Variants in DCDC1 observed in about 807,000 individuals in gnomAD.
DCDC1 encodes doublecortin domain containing 1, also known as doublecortin domain-containing protein 1.
In DCDC1, 200 loss-of-function variants were observed where a neutral mutation model predicts 178.3. The observed-to-expected ratio is 1.12, with a 90% CI of 1.00 to 1.26. The LOEUF (loss-of-function observed/expected upper bound fraction) is 1.26. Ranked by LOEUF, DCDC1 falls within the 50% of genes most tolerant of loss-of-function variation. The pLI is 0.00. For synonymous variants in DCDC1, 690 were observed against 604.8 expected (o/e 1.14, Z -2.07); for missense variants, 1,983 against 1,749.2 (o/e 1.13, Z -2.38).
At chr11:30,973,069 C>T (rs1949900706) in intron 20 of DCDC1, among the ~76,000 whole-genome samples, 2 of 151,746 alleles carry the variant, frequency 1.3e-5, no homozygotes, top group African/African-American at 2.4e-5. Flanking sequence ...GTCAGGAGTT[C>T]GAGACCAGCC....
At chr11:31,004,682 A>C (rs1951747502) in intron 20 of DCDC1, among the ~76,000 whole-genome samples, 1 of 80,304 alleles carries the variant, frequency 1.2e-5, no homozygotes, top group Admixed American at 1.3e-4. Flanking sequence ...ACTCTGTCTC[A>C]AAAAAAAAAA....
chr11:31,256,569 G>C (rs552928392), intron 8 of DCDC1, among the ~76,000 whole-genome samples: 1 of 152,120 alleles, frequency 6.6e-6, no homozygotes, highest in African/African-American at 2.4e-5. Context: ...ACTGAGTGGC[G>C]TCATGTTTTG....
At chr11:31,059,517 T>C (rs1565232217) in intron 20 of DCDC1, among the ~76,000 whole-genome samples, 1 of 152,174 alleles carries the variant, frequency 6.6e-6, no homozygotes, top group East Asian at 1.9e-4. Flanking sequence ...AGAAAAGTAA[T>C]GTAATAAAGC....
At chr11:31,048,093 A>T (rs1565219134) in intron 20 of DCDC1, among the ~76,000 whole-genome samples, 1 of 152,186 alleles carries the variant, frequency 6.6e-6, no homozygotes, top group Non-Finnish European at 1.5e-5. Context: ...AAATCAAGTA[A>T]TATTAAATAT....
At chr11:31,155,124 AC>A (rs1311878721) in intron 9 of DCDC1, among the ~76,000 whole-genome samples, 1 of 152,140 alleles carries the variant, frequency 6.6e-6, no homozygotes, top group Non-Finnish European at 1.5e-5. Context: ...AAAAGCTAAA[AC>A]TTTTGTTGTT....
At chr11:31,024,771 T>C (rs1953113794) in intron 20 of DCDC1, among the ~76,000 whole-genome samples, 1 of 151,954 alleles carries the variant, frequency 6.6e-6, no homozygotes, top group Non-Finnish European at 1.5e-5. Context: ...TCAATTAAAA[T>C]TATAGCATAA....
chr11:31,362,060 G>A (rs1029103856), intron 1 of DCDC1, among the ~76,000 whole-genome samples: 29 of 152,172 alleles, frequency 1.9e-4, no homozygotes, highest in African/African-American at 6.3e-4. Flanking sequence ...TTAGCCTAAC[G>A]CTAAACTATG....
At chr11:31,189,599 G>A (rs552324861) in intron 9 of DCDC1, among the ~76,000 whole-genome samples, 220 of 152,246 alleles carry the variant, frequency 1.4e-3, no homozygotes, top group Non-Finnish European at 2.5e-3. Flanking sequence ...TAGGTTGCAG[G>A]GGAGAACCTG....
chr11:31,022,643 T>TTGTGTGTGTGTG lies in DCDC1; in HGVS notation c.2591+41814_2591+41825dup, dbSNP rs4067986. On this transcript the variant is annotated intron_variant, in intron 20 of 38. Coordinates refer to ENST00000684477, the MANE Select transcript of DCDC1 (RefSeq NM_001387274.1). Reference sequence around the variant, plus strand: ...TCTTGTTTATCTAGTGTCTTTTAGTTTGTGTGTGTGTGTGTGTGTGTGTGT... The same window carrying TTGTGTGTGTGTG: ...TCTTGTTTATCTAGTGTCTTTTAGTTTGTGTGTGTGTGTGTGTGTGTGTGTGTGTGTGTGTGT... 6.0e-3 allele frequency among the ~76,000 whole-genome samples: 725 copies of TTGTGTGTGTGTG among 121,018 alleles called. 6 individuals carry two copies. The highest frequency in any genetic ancestry group is 0.015 in the African/African-American group (464 of 30,416). 79.4% of individuals were successfully genotyped at this position (121,018 alleles called of 152,430 possible).
intron 20 of DCDC1, among the ~76,000 whole-genome samples, chr11:31,021,284 T>A (rs578177370): frequency 1.1e-4 from 16 of 152,330 alleles, no homozygotes; most frequent in African/African-American, 3.8e-4. Context: ...AGGCTAATCA[T>A]GAGACAGCAT....
Position 30,922,580 on chromosome 11 carries a change from T to A in DCDC1, c.3056A>T (p.Lys1019Met), listed in dbSNP as rs2134251691. Reference protein sequence around the residue: ...INPDLSIAQQKKQIFLRNLES... With the variant: ...INPDLSIAQQMKQIFLRNLES... Reference sequence around the variant, plus strand: ...TAGGTTCCTCAGGAATATTTGTTTCTTTTGCTGAGCAATGGACAGGTCAGG... The same window carrying A: ...TAGGTTCCTCAGGAATATTTGTTTCATTTGCTGAGCAATGGACAGGTCAGG... The change falls in exon 24 of 39, where the codon AAG (lysine) becomes ATG (methionine). Residue 1019 changes from lysine (K) to methionine (M), a missense_variant. Physicochemically the swap from Lys to Met is moderately conservative, Grantham distance 95. Coordinates refer to ENST00000684477, the MANE Select transcript of DCDC1 (RefSeq NM_001387274.1). 6.3e-7 allele frequency: 1 copy of A among 1,588,344 alleles called. No individual in the cohort carries two copies. Among genetic ancestry groups the A allele is most frequent in the East Asian group, 2.3e-5 (1 of 43,040 alleles).
intron 3 of DCDC1, among the ~76,000 whole-genome samples, chr11:31,308,485 C>T (rs761038483): frequency 1.3e-4 from 20 of 152,096 alleles, no homozygotes; most frequent in Non-Finnish European, 2.9e-4. Flanking sequence ...GGAATAAAGT[C>T]GGTAAAGGCT....
At chr11:30,875,251 A>G (rs1378928665) in intron 38 of DCDC1, among the ~76,000 whole-genome samples, 1 of 152,104 alleles carries the variant, frequency 6.6e-6, no homozygotes, top group African/African-American at 2.4e-5. Context: ...AAACCATGCC[A>G]TTTATGCAGA....
intron 9 of DCDC1, among the ~76,000 whole-genome samples, chr11:31,230,938 C>T (rs1975690482): frequency 6.6e-6 from 1 of 151,760 alleles, no homozygotes; most frequent in Admixed American, 6.6e-5. Context: ...TCTTCTTTAA[C>T]ATTCAGGAAG....
chr11:30,888,339 A>G (rs374028255), intron 36 of DCDC1, among the ~76,000 whole-genome samples: 237 of 152,360 alleles, frequency 1.6e-3, no homozygotes, highest in African/African-American at 5.5e-3. Flanking sequence ...AAAGAATGTA[A>G]CAAATACAGA....
At chr11:31,358,987 G>T (rs1232751885) in intron 1 of DCDC1, among the ~76,000 whole-genome samples, 4 of 152,208 alleles carry the variant, frequency 2.6e-5, no homozygotes, top group Non-Finnish European at 5.9e-5. Flanking sequence ...CTGTTGGTGG[G>T]ACTGTAAACT....
At chr11:30,999,102 T>C (rs902335144) in intron 20 of DCDC1, among the ~76,000 whole-genome samples, 1 of 152,166 alleles carries the variant, frequency 6.6e-6, no homozygotes, top group Non-Finnish European at 1.5e-5. Context: ...GTCAAGGCTA[T>C]GAAAAATGAG....
chr11:30,900,505 GA>G lies in DCDC1; in HGVS notation c.4511-8del. 4 of 1,517,318 alleles carry G rather than the reference GA, an allele frequency of 2.6e-6. No individual in the cohort carries two copies. Among genetic ancestry groups the G allele is most frequent in the East Asian group, 4.8e-5 (2 of 41,916 alleles). 94.0% of individuals were successfully genotyped at this position (1,517,318 alleles called of 1,614,324 possible). On this transcript the variant is annotated splice_region_variant and splice_polypyrimidine_tract_variant and intron_variant, in intron 32 of 38. Coordinates refer to ENST00000684477, the MANE Select transcript of DCDC1 (RefSeq NM_001387274.1). ...ACTTTCATTCTTGGATTTTCTGGTGGAAAAAATGACACATTTATCATTGTTC... is the reference window on the plus strand; with the variant it reads ...ACTTTCATTCTTGGATTTTCTGGTGGAAAAATGACACATTTATCATTGTTC...
At chr11:30,937,909 T>G (rs752782985) in intron 21 of DCDC1, among the ~76,000 whole-genome samples, 4 of 152,118 alleles carry the variant, frequency 2.6e-5, no homozygotes, top group Non-Finnish European at 4.4e-5. Flanking sequence ...GACAAACAGC[T>G]ACTTTGCAGG....
Sources: allele counts gnomAD v4.1 joint callset (sites outside exome capture counted in the v4.1 genomes callset), GRCh38; gene constraint gnomAD v4.1.1; transcripts MANE v1.5; gene names NCBI Gene and HGNC (gene_info 2026-07-23, HGNC 2026-07-21).